The following NEK11 variants were observed in gnomAD, a reference collection of about 807,000 sequenced individuals.
NEK11 encodes the protein serine/threonine-protein kinase Nek11.
Under a neutral mutation model 80.7 loss-of-function variants are expected in NEK11, and 72 were observed. The observed-to-expected ratio is 0.89, with a 90% CI of 0.74 to 1.08. The LOEUF (loss-of-function observed/expected upper bound fraction) is 1.08. Among genes scored for constraint, NEK11 ranks in the 50% least tolerant of loss-of-function variants. The pLI is 0.00. For synonymous variants in NEK11, 251 were observed against 260.7 expected, an observed-to-expected ratio of 0.96 and a Z score of 0.36; for missense variants, 764 against 763.6, an observed-to-expected ratio of 1.00 and a Z score of -0.01.
In NEK11 at chr3:131,152,815, G is replaced by C. The variant is rs2089935686; in HGVS notation, c.876+106G>C. On this transcript the variant is annotated intron_variant, in intron 9 of 17. Coordinates refer to ENST00000383366, the MANE Select transcript of NEK11 (RefSeq NM_024800.5). ...GATATGATTCAGTAAGAATCAACCA[G>C]AAAGGAGGAAAAAGGCCAAAAAGAA... 8 of 849,938 alleles carry C rather than the reference G, an allele frequency of 9.4e-6. No individual in the cohort carries two copies. The South Asian group carries it at 1.4e-4, about 14-fold the overall frequency. The allele number at this position is 849,938 out of a possible 1,614,324, so 52.6% of individuals were successfully genotyped here.
intron 14 of NEK11, among the ~76,000 whole-genome samples, chr3:131,214,758 C>CAAATATAGA (rs1179034992): frequency 6.6e-6 from 1 of 151,526 alleles, no homozygotes; most frequent in Admixed American, 6.6e-5. Flanking sequence ...TACACTCAGT[C>CAAATATAGA]AAATATAGAG....
chr3:131,215,658 T>G (rs1391925798), intron 14 of NEK11, among the ~76,000 whole-genome samples: 1 of 152,144 alleles, frequency 6.6e-6, no homozygotes, highest in African/African-American at 2.4e-5. Context: ...TGAAGAGGCT[T>G]AGGGCTGGGG....
At chr3:131,041,861 A>G (rs2066538684) in intron 3 of NEK11, among the ~76,000 whole-genome samples, 1 of 152,204 alleles carries the variant, frequency 6.6e-6, no homozygotes, top group Non-Finnish European at 1.5e-5. Context: ...AGCGAGATCA[A>G]TGCAGAAGGT....
intron 14 of NEK11, among the ~76,000 whole-genome samples, chr3:131,211,327 T>C (rs2094605957): frequency 6.6e-6 from 1 of 152,218 alleles, no homozygotes; most frequent in Non-Finnish European, 1.5e-5. Flanking sequence ...GAGTTTCTGC[T>C]GAGAGATCTG....
chr3:131,111,068 G>T (rs2080056200), intron 5 of NEK11, among the ~76,000 whole-genome samples: 1 of 151,954 alleles, frequency 6.6e-6, no homozygotes, highest in Non-Finnish European at 1.5e-5. Context: ...TTAGCATATT[G>T]TTAGGTTATA....
At chr3:131,323,570 T>C (rs999611971) in intron 17 of NEK11, among the ~76,000 whole-genome samples, 1 of 152,210 alleles carries the variant, frequency 6.6e-6, no homozygotes, top group Non-Finnish European at 1.5e-5. Flanking sequence ...CCATTTGTAG[T>C]TGCCAAAGGA....
At chr3:131,096,587 C>A (rs930833411) in intron 4 of NEK11, among the ~76,000 whole-genome samples, 3 of 152,096 alleles carry the variant, frequency 2.0e-5, no homozygotes, top group Admixed American at 1.3e-4. Flanking sequence ...GTTTTGAGTT[C>A]TTTGAGGAAT....
Position 131,165,477 on chromosome 3 carries a change from G to A in NEK11, c.1134G>A (p.Leu378=), listed in dbSNP as rs1439738773. The change falls in exon 12 of 18, where the codon TTG becomes TTA. Residue 378 remains leucine (L), a synonymous_variant. Coordinates refer to ENST00000383366, the MANE Select transcript of NEK11 (RefSeq NM_024800.5). ...YEENSKRMQE[L]RSRNFQQLSV... ...AAAATAGCAAACGAATGCAAGAATT[G>A]AGATCTCGGAACTTTCAGCAGCTGA... is the stretch of plus-strand genomic sequence containing the variant. 6.2e-7 allele frequency: 1 copy of A among 1,613,040 alleles called. No individual in the cohort carries two copies. The highest frequency in any genetic ancestry group is 2.2e-5 in the East Asian group (1 of 44,888).
At chr3:131,331,529 C>T (rs976368596) in intron 17 of NEK11, among the ~76,000 whole-genome samples, 4 of 152,194 alleles carry the variant, frequency 2.6e-5, no homozygotes, top group African/African-American at 7.2e-5. Context: ...CCAGCGTGAG[C>T]GACGCAGAAT....
rs143447883 is a variant in NEK11 at position 131,131,872 on chromosome 3, A to G, written c.456-873A>G. On this transcript the variant is annotated intron_variant, in intron 5 of 17. Coordinates refer to ENST00000383366, the MANE Select transcript of NEK11 (RefSeq NM_024800.5). ...TTTCCCTCTAAGCACTGCTTTTGCTATATCACACAAATTTTGATAAAGTGT... is the reference window on the plus strand; with the variant it reads ...TTTCCCTCTAAGCACTGCTTTTGCTGTATCACACAAATTTTGATAAAGTGT... 2.6e-3 allele frequency among the ~76,000 whole-genome samples: 392 copies of G among 152,144 alleles called. 1 individual carries two copies. The highest frequency in any genetic ancestry group is 8.8e-3 in the African/African-American group (367 of 41,570).
chr3:131,316,763 G>A (rs1014634606), intron 17 of NEK11, among the ~76,000 whole-genome samples: 18 of 152,140 alleles, frequency 1.2e-4, no homozygotes, highest in African/African-American at 4.1e-4. Context: ...AGATCAGAGA[G>A]GAAGAAAATA....
rs776493929 is a variant in NEK11 at position 131,350,080 on chromosome 3, G to A, written c.*304G>A. On this transcript the variant is annotated 3_prime_UTR_variant, in exon 18 of 18. Coordinates refer to ENST00000383366, the MANE Select transcript of NEK11 (RefSeq NM_024800.5). ...TCCAGCAGGATTGAGTCACCCTGAC[G>A]ATGACCGGGGAGAAGCCGTGTGCTC... 1.9e-5 allele frequency: 6 copies of A among 314,072 alleles called. No individual in the cohort carries two copies. Among genetic ancestry groups the A allele is most frequent in the Admixed American group, 4.7e-5 (1 of 21,108 alleles). 19.5% of individuals were successfully genotyped at this position (314,072 alleles called of 1,614,324 possible).
At chr3:131,266,306 T>C (rs2096057173) in intron 16 of NEK11, among the ~76,000 whole-genome samples, 1 of 152,244 alleles carries the variant, frequency 6.6e-6, no homozygotes, top group African/African-American at 2.4e-5. Context: ...TGTTAGGGTG[T>C]CAATTTGAGA....
chr3:131,165,591 G>A, intron 12 of NEK11, 72 bp downstream of exon 12: 1 of 890,796 alleles, frequency 1.1e-6, no homozygotes, highest in Non-Finnish European at 1.8e-6. Flanking sequence ...TGATTGGGTA[G>A]GAAAAGGGAC....
chr3:131,323,211 G>T (rs2096914841), intron 17 of NEK11, among the ~76,000 whole-genome samples: 1 of 152,178 alleles, frequency 6.6e-6, no homozygotes, highest in Non-Finnish European at 1.5e-5. Context: ...TTTGGCTTCA[G>T]AAAGCAATTA....
intron 15 of NEK11, among the ~76,000 whole-genome samples, chr3:131,233,777 G>C (rs757768897): frequency 2.0e-5 from 3 of 152,126 alleles, no homozygotes; most frequent in African/African-American, 7.2e-5. Flanking sequence ...TAGTCCCTAC[G>C]TGCAAATCAG....
At chr3:131,266,829 T>TCACACACAATAGGTCTCTGAGGG (rs2096068530) in intron 16 of NEK11, among the ~76,000 whole-genome samples, 1 of 152,188 alleles carries the variant, frequency 6.6e-6, no homozygotes, top group South Asian at 2.1e-4. Context: ...AGTCTAAGTC[T>TCACACACAATAGGTCTCTGAGGG]CTTTGTAGGT....
chr3:131,116,132 C>A (rs1007891092), intron 5 of NEK11, among the ~76,000 whole-genome samples: 3 of 151,932 alleles, frequency 2.0e-5, no homozygotes, highest in South Asian at 2.1e-4. Context: ...GCCTTCCCCC[C>A]ACCCCATGAC....
intron 17 of NEK11, among the ~76,000 whole-genome samples, chr3:131,321,022 A>G (rs2096892183): frequency 6.6e-6 from 1 of 152,172 alleles, no homozygotes; most frequent in South Asian, 2.1e-4. Context: ...ACATTGAACT[A>G]AAAAAGAGCC....
Sources: allele counts gnomAD v4.1 joint callset (sites outside exome capture counted in the v4.1 genomes callset), GRCh38; gene constraint gnomAD v4.1.1; transcripts MANE v1.5; gene names NCBI Gene and HGNC (gene_info 2026-07-23, HGNC 2026-07-21).